The following NEK6 variants were observed in gnomAD, a reference collection of about 807,000 sequenced individuals.
The protein encoded by NEK6 is serine/threonine-protein kinase Nek6.
In NEK6, 27 loss-of-function variants were observed where a neutral mutation model predicts 43.5. The ratio of observed to expected loss-of-function variants is 0.62; its 90% confidence interval spans 0.46 to 0.86. NEK6 has a LOEUF of 0.86. Among genes scored for constraint, NEK6 ranks in the 40% least tolerant of loss-of-function variants. NEK6 has a pLI of 0.00. For missense variants in NEK6, 318 were observed against 414.4 expected, an observed-to-expected ratio of 0.77 and a Z score of 2.02; for synonymous variants, 167 against 164.1, an observed-to-expected ratio of 1.02 and a Z score of -0.14.
intron 1 of NEK6, among the ~76,000 whole-genome samples, chr9:124,285,787 G>T (rs769137524): frequency 6.6e-6 from 1 of 152,046 alleles, no homozygotes; most frequent in Non-Finnish European, 1.5e-5. Flanking sequence ...ACACAACCGG[G>T]GTTCAGATCC....
At chr9:124,273,311 G>T (rs549227134) in intron 1 of NEK6, among the ~76,000 whole-genome samples, 1 of 152,290 alleles carries the variant, frequency 6.6e-6, no homozygotes, top group South Asian at 2.1e-4. Flanking sequence ...TCCTGCATTT[G>T]GATAAACTGA....
At chr9:124,340,494 G>A (rs981094718) in intron 8 of NEK6, among the ~76,000 whole-genome samples, 3 of 152,142 alleles carry the variant, frequency 2.0e-5, no homozygotes, top group Admixed American at 6.5e-5. Context: ...GAGCCCCTCC[G>A]CATCTATAAG....
At position 124,324,547 on chromosome 9, in the gene NEK6, G is replaced by A. The variant is rs779161090; in HGVS notation, c.406-1783G>A. On this transcript the variant is annotated intron_variant, in intron 5 of 9. Transcript: ENST00000320246. The surrounding 1 kb of genome is among the most constrained non-coding windows in gnomAD (Gnocchi z 5.3). ...TGACATTTAGAAAATCACCACTCTC[G>A]GCCACGCGCGTCCCTGCTTAAATGC... 5.3e-5 allele frequency among the ~76,000 whole-genome samples: 8 copies of A among 152,076 alleles called. No homozygotes were observed. The highest frequency in any genetic ancestry group is 7.4e-5 in the Non-Finnish European group (5 of 67,998).
At position 124,268,676 on chromosome 9, in the gene NEK6, G is replaced by A. The variant is rs188129953; in HGVS notation, c.-30+10591G>A. Among the ~76,000 whole-genome samples the A allele has an allele frequency of 3.9e-5, 6 of 152,288 alleles. No homozygotes were observed. In the East Asian group the frequency reaches 1.2e-3, roughly 29 times the overall value. ...AGAATGAACCAGAAACAATCCAGATGCCCCAGGAACCGACGTGAGAACAAG... is the reference window on the plus strand; with the variant it reads ...AGAATGAACCAGAAACAATCCAGATACCCCAGGAACCGACGTGAGAACAAG... On this transcript the variant is annotated intron_variant, in intron 1 of 9. Coordinates refer to ENST00000320246, the MANE Select transcript of NEK6 (RefSeq NM_014397.6).
At chr9:124,305,619 TG>T (rs544671164) in intron 2 of NEK6, among the ~76,000 whole-genome samples, 10 of 151,760 alleles carry the variant, frequency 6.6e-5, no homozygotes, top group African/African-American at 2.4e-4. Context: ...ATTCAGCAAC[TG>T]TTTTTTTGGG....
At chr9:124,264,039 C>T (rs1831133768) in intron 1 of NEK6, among the ~76,000 whole-genome samples, 1 of 152,242 alleles carries the variant, frequency 6.6e-6, no homozygotes, top group Admixed American at 6.5e-5. Context: ...CTGTCACAGG[C>T]CTGGCCGTGG....
chr9:124,346,254 C>T (rs954661921), intron 8 of NEK6, among the ~76,000 whole-genome samples: 1 of 152,194 alleles, frequency 6.6e-6, no homozygotes, highest in African/African-American at 2.4e-5. Context: ...AGGATGGTGC[C>T]AGGCTCTGAA....
At chr9:124,338,148 T>G (rs931289964) in intron 7 of NEK6, among the ~76,000 whole-genome samples, 2 of 152,110 alleles carry the variant, frequency 1.3e-5, no homozygotes, top group Non-Finnish European at 2.9e-5. Flanking sequence ...GCCTGGCTAA[T>G]TTTTGTGTTT....
In NEK6 at chr9:124,312,399, T is replaced by C; in HGVS notation, c.91-110T>C. On this transcript the variant is annotated intron_variant, in intron 2 of 9. Transcript: ENST00000320246. ...TCCCAGAGCAGGGTTGGCAGCAGAG[T>C]CCCTCCTTCACCTTAGAGGGTGCTG... The C allele has an allele frequency of 9.5e-6, 12 of 1,267,370 alleles. No individual in the cohort carries two copies. In the South Asian group the frequency reaches 1.9e-4, roughly 20 times the overall value. The allele number at this position is 1,267,370 out of a possible 1,614,324, so 78.5% of individuals were successfully genotyped here.
chr9:124,349,501 C>T (rs1333830872), intron 9 of NEK6, among the ~76,000 whole-genome samples: 3 of 152,206 alleles, frequency 2.0e-5, no homozygotes, highest in East Asian at 1.9e-4. Flanking sequence ...CACTGGCTCT[C>T]GCCGGGCCCC....
rs926179066 is a variant in NEK6, at chr9:124,324,791, G to C, written c.406-1539G>C. ...CCCACCGTGGGAAGCACCCAGACCT[G>C]GGTCCCAGCTGGGTGCTGGGTGACC... On this transcript the variant is annotated intron_variant, in intron 5 of 9. Coordinates refer to ENST00000320246, the MANE Select transcript of NEK6 (RefSeq NM_014397.6). The surrounding 1 kb of genome is among the most constrained non-coding windows in gnomAD (Gnocchi z 5.3). Among the ~76,000 whole-genome samples, 2 of 152,174 alleles carry C rather than the reference G, an allele frequency of 1.3e-5. No individual in the cohort carries two copies. The highest frequency in any genetic ancestry group is 4.8e-5 in the African/African-American group (2 of 41,444).
chr9:124,257,676 A>T, upstream of NEK6: 2 of 1,532,744 alleles, frequency 1.3e-6, no homozygotes, highest in African/African-American at 1.4e-5. Context: ...GACCCTCATC[A>T]TAAGTCTAGA....
At chr9:124,340,039 G>C (rs1206588454) in intron 8 of NEK6, among the ~76,000 whole-genome samples, 1 of 152,014 alleles carries the variant, frequency 6.6e-6, no homozygotes, top group Non-Finnish European at 1.5e-5. Context: ...AGGGCACCTG[G>C]GGTCAGGAGA....
intron 1 of NEK6, among the ~76,000 whole-genome samples, chr9:124,268,162 C>T (rs1403528339): frequency 6.6e-6 from 1 of 152,174 alleles, no homozygotes; most frequent in African/African-American, 2.4e-5. Context: ...CCAGAAAAAC[C>T]CCTTTTCCTA....
Position 124,257,976 on chromosome 9 carries a change from T to A in NEK6, c.-139T>A. The A allele has an allele frequency of 6.1e-6, 6 of 978,074 alleles. No homozygotes were observed. The highest frequency in any genetic ancestry group is 6.0e-6 in the Non-Finnish European group (5 of 827,294). The allele number at this position is 978,074 out of a possible 1,614,324, so 60.6% of individuals were successfully genotyped here. A position where few individuals can be genotyped will look rare whatever the true frequency, so the allele number is the denominator to read the frequency against. ...GGTGGCGGCGGCGGCGGAACCGAGC[T>A]GACGGGCGTGCGGCCGCTGCGCCGC... On this transcript the variant is annotated 5_prime_UTR_variant, in exon 1 of 10. Transcript: ENST00000320246.
rs149590827 is a variant in NEK6, at chr9:124,335,913, C to A, written c.623-3658C>A. 6.5e-3 allele frequency among the ~76,000 whole-genome samples: 994 copies of A among 152,288 alleles called. 6 individuals carry two copies. Among genetic ancestry groups the A allele is most frequent in the Admixed American group, 0.011 (162 of 15,298 alleles). On this transcript the variant is annotated intron_variant, in intron 7 of 9. Coordinates refer to ENST00000320246, the MANE Select transcript of NEK6 (RefSeq NM_014397.6). ...TCGCTTGAGGCCAGGAGTTTGAGACCAGCCTGGGCAACATAGTGAGAACCT... is the reference window on the plus strand; with the variant it reads ...TCGCTTGAGGCCAGGAGTTTGAGACAAGCCTGGGCAACATAGTGAGAACCT...
At chr9:124,297,649 G>T (rs1039677570) in intron 1 of NEK6, among the ~76,000 whole-genome samples, 5 of 152,242 alleles carry the variant, frequency 3.3e-5, no homozygotes, top group African/African-American at 9.6e-5. Flanking sequence ...TTGAGGTGGT[G>T]TTCAGTGTGG....
At chr9:124,312,336 C>T (rs963661667) in intron 2 of NEK6, among the ~76,000 whole-genome samples, 173 bp from the exon 3 acceptor site, 8 of 152,132 alleles carry the variant, frequency 5.3e-5, no homozygotes, top group Non-Finnish European at 1.0e-4. Context: ...CCCAGGGGAC[C>T]CTGTGCAGAA....
At chr9:124,339,452 T>TCAGAGAC (rs1351546178) in intron 7 of NEK6, 119 bp from the exon 8 acceptor site, 5 of 739,620 alleles carry the variant, frequency 6.8e-6, no homozygotes, top group Non-Finnish European at 7.3e-6. Context: ...GAAGGGCTGC[T>TCAGAGAC]CAGAGACCGA....
Sources: allele counts gnomAD v4.1 joint callset (sites outside exome capture counted in the v4.1 genomes callset), GRCh38; gene constraint gnomAD v4.1.1; non-coding constraint Gnocchi (gnomAD v3.1); transcripts MANE v1.5; gene names NCBI Gene and HGNC (gene_info 2026-07-23, HGNC 2026-07-21).